Variants in BABAM2 observed in about 807,000 individuals in gnomAD.
BABAM2 encodes the protein BRISC and BRCA1 A complex member 2.
A neutral mutation model predicts 54.7 loss-of-function variants in BABAM2; 31 were observed. That is an observed-to-expected ratio of 0.57 (90% CI 0.43 to 0.77). BABAM2 has a LOEUF of 0.77. Ranked by LOEUF, BABAM2 falls within the 30% of genes least tolerant of loss-of-function variation. The pLI is 0.00. For missense variants in BABAM2, 364 were observed against 455.8 expected (o/e 0.80, Z 1.83); for synonymous variants, 167 against 162.9 (o/e 1.03, Z -0.19).
At chr2:28,050,876 G>A (rs113790727) in intron 6 of BABAM2, among the ~76,000 whole-genome samples, 85 of 152,292 alleles carry the variant, frequency 5.6e-4, no homozygotes, top group African/African-American at 2.0e-3. Flanking sequence ...TGGTGGGACT[G>A]TGTGGACATA....
At chr2:27,947,786 C>T (rs1027441960) in intron 3 of BABAM2, among the ~76,000 whole-genome samples, 7 of 152,014 alleles carry the variant, frequency 4.6e-5, no homozygotes, top group East Asian at 1.9e-4. Context: ...TTTTTGTATA[C>T]GATACAGGTT....
At chr2:27,947,100 T>C (rs540511727) in intron 3 of BABAM2, among the ~76,000 whole-genome samples, 4 of 152,184 alleles carry the variant, frequency 2.6e-5, no homozygotes, top group Non-Finnish European at 5.9e-5. Context: ...TTCTGCTCTT[T>C]GTTTATGCTT....
intron 3 of BABAM2, among the ~76,000 whole-genome samples, chr2:27,977,200 A>C (rs1309444178): frequency 6.6e-6 from 1 of 152,186 alleles, no homozygotes; most frequent in East Asian, 1.9e-4. Context: ...ATGAATGTTT[A>C]AGTTCATATT....
In BABAM2 at chr2:28,304,766, G is replaced by A. The variant is rs1467085994; in HGVS notation, c.1088+6275G>A. On this transcript the variant is annotated intron_variant, in intron 11 of 11. Coordinates refer to ENST00000379624, the MANE Select transcript of BABAM2 (RefSeq NM_199191.3). The surrounding 1 kb of genome is among the most constrained non-coding windows in gnomAD (Gnocchi z 4.0). ...AATTTTTTGTATTTTTTTTTTAGTA[G>A]AGACGGAGTTTTACCATGTTGCCCA... Among the ~76,000 whole-genome samples the A allele has an allele frequency of 6.6e-6, 1 of 151,832 alleles. No individual in the cohort carries two copies. The highest frequency in any genetic ancestry group is 1.5e-5 in the Non-Finnish European group (1 of 67,970).
At chr2:27,957,146 G>C (rs1333110993) in intron 3 of BABAM2, among the ~76,000 whole-genome samples, 2 of 152,110 alleles carry the variant, frequency 1.3e-5, no homozygotes, top group African/African-American at 4.8e-5. Context: ...TTGTCTTCCT[G>C]TTTCTCCTTT....
chr2:28,219,949 G>A (rs1487096802), intron 7 of BABAM2, among the ~76,000 whole-genome samples: 1 of 152,170 alleles, frequency 6.6e-6, no homozygotes, highest in Admixed American at 6.5e-5. Flanking sequence ...AATGATACTG[G>A]ATGAGTTGTG....
chr2:28,174,163 A>G (rs139411004), intron 7 of BABAM2, among the ~76,000 whole-genome samples: 38 of 152,280 alleles, frequency 2.5e-4, no homozygotes, highest in African/African-American at 8.9e-4. Flanking sequence ...TTTTCCTCTT[A>G]GTCTTCATAA....
chr2:28,073,880 A>T (rs983263837), intron 6 of BABAM2, among the ~76,000 whole-genome samples: 1 of 152,158 alleles, frequency 6.6e-6, no homozygotes, highest in Non-Finnish European at 1.5e-5. Context: ...CCATGAACAC[A>T]CAGACATATA....
intron 6 of BABAM2, among the ~76,000 whole-genome samples, chr2:28,122,901 G>A (rs1332900181): frequency 1.3e-5 from 2 of 152,040 alleles, no homozygotes; most frequent in Admixed American, 6.5e-5. Flanking sequence ...TATCCTTGGC[G>A]ATACATAGTT....
chr2:27,943,810 G>A (rs1180203163), intron 3 of BABAM2, among the ~76,000 whole-genome samples: 1 of 152,176 alleles, frequency 6.6e-6, no homozygotes, highest in Non-Finnish European at 1.5e-5. Flanking sequence ...GAGGCTAATT[G>A]TGGAGGCAGG....
intron 4 of BABAM2, among the ~76,000 whole-genome samples, chr2:28,011,448 A>G (rs1029758378): frequency 6.6e-6 from 1 of 152,146 alleles, no homozygotes; most frequent in Admixed American, 6.5e-5. Flanking sequence ...CCATTTGCAC[A>G]TAAGTTGTGT....
intron 6 of BABAM2, among the ~76,000 whole-genome samples, chr2:28,121,704 C>T (rs530831513): frequency 6.6e-6 from 1 of 152,132 alleles, no homozygotes; most frequent in South Asian, 2.1e-4. Flanking sequence ...TTCTCTATAA[C>T]ATTTGTAACA....
chr2:28,144,451 C>A (rs928698418), intron 7 of BABAM2, among the ~76,000 whole-genome samples: 4 of 152,206 alleles, frequency 2.6e-5, no homozygotes, highest in African/African-American at 4.8e-5. Context: ...GCTTGAGTCA[C>A]AACCCCACTT....
intron 7 of BABAM2, among the ~76,000 whole-genome samples, chr2:28,163,868 C>A (rs1317629288): frequency 6.6e-6 from 1 of 152,218 alleles, no homozygotes; most frequent in Non-Finnish European, 1.5e-5. Flanking sequence ...TGGGTGTTTT[C>A]CTCAGGGCAC....
chr2:28,092,685 G>A (rs1005874860), intron 6 of BABAM2, among the ~76,000 whole-genome samples: 2 of 151,806 alleles, frequency 1.3e-5, no homozygotes, highest in Non-Finnish European at 2.9e-5. Context: ...TTAATTCTTC[G>A]ATAGTATTTT....
chr2:28,068,289 G>A (rs1005420048), intron 6 of BABAM2, among the ~76,000 whole-genome samples: 2 of 152,088 alleles, frequency 1.3e-5, no homozygotes, highest in Non-Finnish European at 2.9e-5. Context: ...ACCTACATAT[G>A]TAGCGAGGGC....
chr2:28,265,924 T>A (rs183973230), intron 10 of BABAM2, among the ~76,000 whole-genome samples: 1 of 152,320 alleles, frequency 6.6e-6, no homozygotes, highest in African/African-American at 2.4e-5. Flanking sequence ...TTAGTTTTTT[T>A]AATTAGGCCT....
At chr2:28,331,478 AAAAC>A (rs1690955475) in intron 11 of BABAM2, among the ~76,000 whole-genome samples, 1 of 152,142 alleles carries the variant, frequency 6.6e-6, no homozygotes, top group Non-Finnish European at 1.5e-5. Flanking sequence ...TTATAGGAAA[AAAAC>A]AACTCCATTA....
chr2:27,890,394 C>T (rs540639332), upstream of BABAM2: 2 of 1,553,468 alleles, frequency 1.3e-6, no homozygotes, highest in South Asian at 1.2e-5. The surrounding 1 kb of genome is among the most constrained non-coding windows in gnomAD (Gnocchi z 4.8). Flanking sequence ...CTGCCCTTTG[C>T]CCGACCCCGT....
Sources: gnomAD v4.1 joint callset for allele counts (sites outside exome capture counted in the v4.1 genomes callset) on GRCh38, gnomAD v4.1.1 for gene constraint, Gnocchi (gnomAD v3.1) non-coding constraint, MANE v1.5 for transcripts, NCBI Gene and HGNC (gene_info 2026-07-23, HGNC 2026-07-21) for gene names.